The following PCBP3 variants were observed in gnomAD, a reference collection of about 807,000 sequenced individuals.
PCBP3 encodes poly(rC)-binding protein 3.
Under a neutral mutation model 52.7 loss-of-function variants are expected in PCBP3, and 25 were observed. The observed-to-expected ratio is 0.47, with a 90% CI of 0.35 to 0.66. PCBP3 has a LOEUF of 0.66. PCBP3 is among the 30% of genes least tolerant of loss of function. PCBP3 has a pLI of 0.01. For synonymous variants in PCBP3, 162 were observed against 183.0 expected (o/e 0.89, Z 0.93); for missense variants, 391 against 490.3 (o/e 0.80, Z 1.91).
At chr21:45,870,380 C>G (rs988584219) in intron 5 of PCBP3, among the ~76,000 whole-genome samples, 2 of 152,328 alleles carry the variant, frequency 1.3e-5, no homozygotes, top group Admixed American at 6.5e-5. Flanking sequence ...GGTCTATCAT[C>G]TTACCTGTGA....
At chr21:45,775,778 A>C (rs887910227) in intron 4 of PCBP3, among the ~76,000 whole-genome samples, 3 of 152,152 alleles carry the variant, frequency 2.0e-5, no homozygotes, top group Non-Finnish European at 4.4e-5. Context: ...TCTTTTTGAA[A>C]AGCCAAGTTT....
Position 45,802,461 on chromosome 21 carries a change from C to T in PCBP3, c.-126+47009C>T, listed in dbSNP as rs1026660656. Among the ~76,000 whole-genome samples, 1 of 152,214 alleles carries T rather than the reference C, an allele frequency of 6.6e-6. No homozygotes were observed. Among genetic ancestry groups the T allele is most frequent in the African/African-American group, 2.4e-5 (1 of 41,442 alleles). Reference sequence around the variant, plus strand: ...GTGCCTACGTTGTCCTGTGCCCGGGCTGCCCAAGGTGGTGTGAGTGTCAGG... The same window carrying T: ...GTGCCTACGTTGTCCTGTGCCCGGGTTGCCCAAGGTGGTGTGAGTGTCAGG... On this transcript the variant is annotated intron_variant, in intron 4 of 17. Transcript: ENST00000681687. This position sits in a 1 kb window ranked among gnomAD's most constrained non-coding sequence, Gnocchi z 5.1.
chr21:45,663,366 G>A (rs141202321), intron 1 of PCBP3, among the ~76,000 whole-genome samples: 4 of 152,000 alleles, frequency 2.6e-5, no homozygotes, highest in African/African-American at 7.2e-5. Context: ...GGTAGTGGTC[G>A]CCCGGGCCCA....
intron 4 of PCBP3, among the ~76,000 whole-genome samples, chr21:45,758,211 T>A (rs2088261337): frequency 6.6e-6 from 1 of 152,380 alleles, no homozygotes; most frequent in East Asian, 1.9e-4. Context: ...TACTATGTTT[T>A]GGATCCTGGA....
intron 5 of PCBP3, among the ~76,000 whole-genome samples, chr21:45,861,957 G>A (rs1320681223): frequency 2.0e-5 from 3 of 152,174 alleles, no homozygotes; most frequent in Non-Finnish European, 4.4e-5. Context: ...CAGGTTTTGC[G>A]CCTGGGAAGG....
At position 45,736,747 on chromosome 21, in the gene PCBP3, G is replaced by A. The variant is rs955494287; in HGVS notation, c.-162+1318G>A. On this transcript the variant is annotated intron_variant, in intron 3 of 17. Coordinates refer to ENST00000681687, the MANE Select transcript of PCBP3 (RefSeq NM_001384156.1). The surrounding 1 kb of genome is among the most constrained non-coding windows in gnomAD (Gnocchi z 4.6). Reference sequence around the variant, plus strand: ...AAAGACTTTGTTTGTTCCTTCATTCGTTCAGCACATGTTTACAGTGTGCCT... The same window carrying A: ...AAAGACTTTGTTTGTTCCTTCATTCATTCAGCACATGTTTACAGTGTGCCT... Among the ~76,000 whole-genome samples the A allele has an allele frequency of 6.6e-6, 1 of 152,164 alleles. No homozygotes were observed. The highest frequency in any genetic ancestry group is 2.1e-4 in the South Asian group (1 of 4,828).
rs116426534 is a variant in PCBP3, at chr21:45,885,671, T to C, written c.11-10537T>C. The stretch of plus-strand genomic sequence containing the variant: ...CTCCCCTGACTCTTTCACTCTGTTA[T>C]GGTTCTTTCTAGTTCTGTCGTTCCC... On this transcript the variant is annotated intron_variant, in intron 5 of 17. Transcript: ENST00000681687. Among the ~76,000 whole-genome samples the C allele has an allele frequency of 8.6e-3, 1,306 of 152,298 alleles. 23 individuals are homozygous for C. Among genetic ancestry groups the C allele is most frequent in the African/African-American group, 0.03 (1,231 of 41,562 alleles).
intron 2 of PCBP3, among the ~76,000 whole-genome samples, chr21:45,709,585 A>AT (rs943096291): frequency 1.2e-4 from 18 of 151,646 alleles, no homozygotes; most frequent in African/African-American, 3.6e-4. Context: ...ATTTCTTAAT[A>AT]TTTTTTCTGA....
intron 5 of PCBP3, among the ~76,000 whole-genome samples, chr21:45,885,087 G>T (rs1017879236): frequency 6.6e-6 from 1 of 152,140 alleles, no homozygotes; most frequent in Non-Finnish European, 1.5e-5. Flanking sequence ...TTCTCCCAGC[G>T]TAGGCACGCT....
rs1263082178 is a variant in PCBP3 at position 45,735,686 on chromosome 21, T to C, written c.-162+257T>C. Reference sequence around the variant, plus strand: ...TTTAAAAGAGGCAGTTTCCTCCCTCTCTGGTAACCTTTCTCCACAGTTAAC... The same window carrying C: ...TTTAAAAGAGGCAGTTTCCTCCCTCCCTGGTAACCTTTCTCCACAGTTAAC... On this transcript the variant is annotated intron_variant, in intron 3 of 17. Transcript: ENST00000681687. This position sits in a 1 kb window ranked among gnomAD's most constrained non-coding sequence, Gnocchi z 4.0. 1.3e-5 allele frequency among the ~76,000 whole-genome samples: 2 copies of C among 152,202 alleles called. No individual in the cohort carries two copies. The highest frequency in any genetic ancestry group is 4.8e-5 in the African/African-American group (2 of 41,452).
rs867158645 is a variant in PCBP3, at chr21:45,917,404, G to A, written c.676-184G>A. ...CTGCCCGCCCAGAGGAAGTGGGTGC[G>A]GCTCCCCTGGGGCTCCTGGTGCCCT... On this transcript the variant is annotated intron_variant, in intron 12 of 17. Coordinates refer to ENST00000681687, the MANE Select transcript of PCBP3 (RefSeq NM_001384156.1). This position sits in a 1 kb window ranked among gnomAD's most constrained non-coding sequence, Gnocchi z 5.3. 2.1e-5 allele frequency: 12 copies of A among 560,224 alleles called. No homozygotes were observed. The highest frequency in any genetic ancestry group is 4.1e-5 in the South Asian group (2 of 48,428). The allele number at this position is 560,224 out of a possible 1,614,324, so 34.7% of individuals were successfully genotyped here.
intron 4 of PCBP3, chr21:45,760,321 A>G (rs532734652): frequency 1.3e-5 from 2 of 152,274 alleles, no homozygotes; most frequent in African/African-American, 4.8e-5. Flanking sequence ...GAATACAGGC[A>G]TGCACCACTA....
chr21:45,676,541 A>ATG (rs2081478938), intron 2 of PCBP3, among the ~76,000 whole-genome samples: 1 of 152,130 alleles, frequency 6.6e-6, no homozygotes, highest in Non-Finnish European at 1.5e-5. Context: ...ATCTGTGGTC[A>ATG]GCGATCTTTG....
chr21:45,803,687 C>T (rs2146816016), intron 4 of PCBP3, among the ~76,000 whole-genome samples: 1 of 152,320 alleles, frequency 6.6e-6, no homozygotes, highest in Middle Eastern at 3.4e-3. Context: ...CTGGGCACTG[C>T]CAAGCTGGGC....
At chr21:45,703,427 A>G (rs541681908) in intron 2 of PCBP3, among the ~76,000 whole-genome samples, 1 of 152,364 alleles carries the variant, frequency 6.6e-6, no homozygotes, top group South Asian at 2.1e-4. Flanking sequence ...GCATGAAAAC[A>G]ACATTCATCT....
rs975299724 is a variant in PCBP3 at position 45,798,318 on chromosome 21, C to T, written c.-126+42866C>T. ...CATGGATCCATAGAGTGAATGTATG[C>T]GTACATGGATGAATGCATGGATCCA... On this transcript the variant is annotated intron_variant, in intron 4 of 17. Transcript: ENST00000681687. Among the ~76,000 whole-genome samples, 16 of 38,122 alleles carry T rather than the reference C, an allele frequency of 4.2e-4. No homozygotes were observed. In the South Asian group the frequency reaches 7.2e-3, roughly 17 times the overall value. The allele number at this position is 38,122 out of a possible 152,430, so 25.0% of individuals were successfully genotyped here. A position where few individuals can be genotyped will look rare whatever the true frequency, so the allele number is the denominator to read the frequency against.
rs527545070 is a variant in PCBP3, at chr21:45,724,312, C to G, written c.-199-11080C>G. Among the ~76,000 whole-genome samples, 2 of 152,316 alleles carry G rather than the reference C, an allele frequency of 1.3e-5. No homozygotes were observed. Among genetic ancestry groups the G allele is most frequent in the South Asian group, 2.1e-4 (1 of 4,822 alleles). On this transcript the variant is annotated intron_variant, in intron 2 of 17. Coordinates refer to ENST00000681687, the MANE Select transcript of PCBP3 (RefSeq NM_001384156.1). The surrounding 1 kb of genome is among the most constrained non-coding windows in gnomAD (Gnocchi z 5.3). ...GTCCAGCTGTGACCCACCCCGCCCC[C>G]TCCCGGTGTTACCCTGAGTTATGAG...
At chr21:45,713,558 CCTTA>C (rs2148191900) in intron 2 of PCBP3, among the ~76,000 whole-genome samples, 1 of 152,342 alleles carries the variant, frequency 6.6e-6, no homozygotes, top group East Asian at 1.9e-4. Flanking sequence ...GAGATTTCTT[CCTTA>C]CTTTGCACAT....
intron 5 of PCBP3, among the ~76,000 whole-genome samples, chr21:45,867,968 A>G (rs905518265): frequency 6.6e-6 from 1 of 152,246 alleles, no homozygotes; most frequent in African/African-American, 2.4e-5. Context: ...AAAGCTGGAC[A>G]AAAAAAGGCG....
Sources: allele counts gnomAD v4.1 joint callset (sites outside exome capture counted in the v4.1 genomes callset), GRCh38; gene constraint gnomAD v4.1.1; non-coding constraint Gnocchi (gnomAD v3.1); transcripts MANE v1.5; gene names NCBI Gene and HGNC (gene_info 2026-07-23, HGNC 2026-07-21).